TENM2: variants seen among roughly 807,000 people sequenced by gnomAD.
The protein encoded by TENM2 is teneurin-2.
Under a neutral mutation model 245.2 loss-of-function variants are expected in TENM2, and 52 were observed. The observed-to-expected ratio is 0.21, with a 90% CI of 0.17 to 0.27. TENM2 has a LOEUF of 0.27. Ranked by LOEUF, TENM2 falls within the 10% of genes least tolerant of loss-of-function variation. TENM2 has a pLI of 1.00. For synonymous variants in TENM2, 1,363 were observed against 1,438.9 expected (o/e 0.95, Z 1.19); for missense variants, 3,046 against 3,666.8 (o/e 0.83, Z 4.37).
In TENM2 at chr5:167,310,896, TA is replaced by T. The variant is rs556668969; in HGVS notation, c.226+25836del. Among the ~76,000 whole-genome samples the T allele has an allele frequency of 1.1e-4, 16 of 152,352 alleles. No homozygotes were observed. The South Asian group carries it at 3.3e-3, about 32-fold the overall frequency. ...TGTAAATAATGGTTATGCTGGGACC[TA>T]AATGAACCTGCAACAGCTAGGGACT... On this transcript the variant is annotated intron_variant, in intron 1 of 28. Transcript: ENST00000518659.
chr5:167,930,463 T>TTATA (rs1778191935), intron 3 of TENM2, among the ~76,000 whole-genome samples: 1 of 150,228 alleles, frequency 6.7e-6, no homozygotes, highest in Admixed American at 6.6e-5. Context: ...TTTTATTTAT[T>TTATA]TATTTATTTA....
chr5:168,053,609 A>T (rs1562100825), intron 6 of TENM2, among the ~76,000 whole-genome samples: 1 of 152,246 alleles, frequency 6.6e-6, no homozygotes, highest in Non-Finnish European at 1.5e-5. Context: ...AACTATTTAC[A>T]TAGCATCTAC....
intron 2 of TENM2, among the ~76,000 whole-genome samples, chr5:167,387,529 G>A (rs1430851564): frequency 1.3e-5 from 2 of 152,014 alleles, no homozygotes; most frequent in Non-Finnish European, 2.9e-5. Flanking sequence ...TTGTCTGATT[G>A]CTCTGGCTAG....
intron 12 of TENM2, among the ~76,000 whole-genome samples, chr5:168,136,871 G>C (rs770417263): frequency 6.6e-6 from 1 of 152,176 alleles, no homozygotes; most frequent in Non-Finnish European, 1.5e-5. Flanking sequence ...TTTAGGTTAA[G>C]GGTTGCCTTC....
intron 2 of TENM2, among the ~76,000 whole-genome samples, chr5:167,840,492 T>A (rs1326043599): frequency 6.6e-6 from 1 of 152,164 alleles, no homozygotes; most frequent in Non-Finnish European, 1.5e-5. Flanking sequence ...CGATGCAAAC[T>A]GAATTCGCTA....
chr5:167,495,667 G>A (rs1239879600), intron 2 of TENM2, among the ~76,000 whole-genome samples: 3 of 151,984 alleles, frequency 2.0e-5, no homozygotes, highest in Non-Finnish European at 2.9e-5. Context: ...CTCTTGTGTG[G>A]ATTTTTTTAG....
chr5:167,566,899 A>G (rs190507527), intron 2 of TENM2, among the ~76,000 whole-genome samples: 13 of 152,312 alleles, frequency 8.5e-5, no homozygotes, highest in Admixed American at 3.3e-4. Flanking sequence ...GGTTGTTCCA[A>G]TTACTATGCA....
the TENM2 span, among the ~76,000 whole-genome samples, chr5:167,097,118 C>T: frequency 5.9e-5 from 9 of 152,232 alleles, no homozygotes; most frequent in Admixed American, 4.6e-4. Context: ...GAGAGTCAAA[C>T]GCTCAAGGCA....
At chr5:167,999,104 C>A (rs73801483) in intron 5 of TENM2, among the ~76,000 whole-genome samples, 1 of 152,072 alleles carries the variant, frequency 6.6e-6, no homozygotes, top group African/African-American at 2.4e-5. Flanking sequence ...TTTGTGGGGG[C>A]GCAGACTAGG....
chr5:167,066,487 C>T, the TENM2 span, among the ~76,000 whole-genome samples: 2 of 151,734 alleles, frequency 1.3e-5, no homozygotes, highest in East Asian at 2.0e-4. Context: ...CCCATTAACT[C>T]GTCATTTAGC....
At chr5:168,104,113 CCTT>C (rs1351627108) in intron 9 of TENM2, among the ~76,000 whole-genome samples, 1 of 152,168 alleles carries the variant, frequency 6.6e-6, no homozygotes, top group Non-Finnish European at 1.5e-5. Context: ...ACTGCAACCT[CCTT>C]CTCCCAGGTT....
chr5:167,854,282 A>G (rs1230764226), intron 2 of TENM2, among the ~76,000 whole-genome samples: 1 of 152,216 alleles, frequency 6.6e-6, no homozygotes, highest in African/African-American at 2.4e-5. Context: ...TAAAGGAGAA[A>G]TCAGAGAACA....
the TENM2 span, among the ~76,000 whole-genome samples, chr5:167,077,508 G>C: frequency 1.3e-5 from 2 of 152,086 alleles, no homozygotes; most frequent in African/African-American, 4.8e-5. Flanking sequence ...TCCACTGTTT[G>C]CACTTTTTGG....
intron 15 of TENM2, among the ~76,000 whole-genome samples, chr5:168,195,678 T>TCAAAGGC (rs1435553820): frequency 6.6e-6 from 1 of 150,434 alleles, no homozygotes; most frequent in Non-Finnish European, 1.5e-5. Context: ...CTGTTTTAAA[T>TCAAAGGC]CAAAGGCAGT....
At chr5:168,164,220 G>T (rs1229204627) in intron 13 of TENM2, among the ~76,000 whole-genome samples, 1 of 152,168 alleles carries the variant, frequency 6.6e-6, no homozygotes, top group African/African-American at 2.4e-5. Flanking sequence ...GACCTGGCCT[G>T]CCACACTGCT....
At chr5:168,036,691 A>ATATATATATATGTATGTG (rs1787721144) in intron 5 of TENM2, among the ~76,000 whole-genome samples, 1 of 116,334 alleles carries the variant, frequency 8.6e-6, no homozygotes, top group Non-Finnish European at 1.6e-5. Context: ...ATATATATAT[A>ATATATATATATGTATGTG]TATATATATG....
At chr5:168,173,489 C>T (rs1434423188) in intron 13 of TENM2, among the ~76,000 whole-genome samples, 2 of 152,156 alleles carry the variant, frequency 1.3e-5, no homozygotes, top group Non-Finnish European at 2.9e-5. Flanking sequence ...GTCGCCTTCA[C>T]TTTCGCCCCC....
At chr5:167,853,289 C>CAAAAAAAAAAATAAAAAAA (rs1770761353) in intron 2 of TENM2, among the ~76,000 whole-genome samples, 1 of 24,622 alleles carries the variant, frequency 4.1e-5, no homozygotes, top group Non-Finnish European at 7.4e-5. Flanking sequence ...GACTCCGTCT[C>CAAAAAAAAAAATAAAAAAA]AAAAAAAAAA....
chr5:167,863,975 T>A (rs1388401347), intron 2 of TENM2, among the ~76,000 whole-genome samples: 2 of 152,236 alleles, frequency 1.3e-5, no homozygotes, highest in Non-Finnish European at 2.9e-5. Flanking sequence ...TTTTCAATTC[T>A]AATTTCACAA....
Sources: allele counts gnomAD v4.1 joint callset (sites outside exome capture counted in the v4.1 genomes callset), GRCh38; gene constraint gnomAD v4.1.1; transcripts MANE v1.5; gene names NCBI Gene and HGNC (gene_info 2026-07-23, HGNC 2026-07-21).